TRIO: variants seen among roughly 807,000 people sequenced by gnomAD.
TRIO encodes triple functional domain protein.
A neutral mutation model predicts 351.9 loss-of-function variants in TRIO; 58 were observed. That is an observed-to-expected ratio of 0.16 (90% CI 0.13 to 0.21). The LOEUF is 0.21. Among genes scored for constraint, TRIO ranks in the 10% least tolerant of loss-of-function variants. The probability of loss-of-function intolerance (pLI) is 1.00; values close to 1 mark genes in which losing one functional copy is unlikely to be tolerated. For synonymous variants in TRIO, 1,758 were observed against 1,595.7 expected (o/e 1.10, Z -2.42); for missense variants, 3,201 against 4,027.8 (o/e 0.79, Z 5.56).
chr5:14,293,347 A>T (rs1028747560), intron 6 of TRIO, among the ~76,000 whole-genome samples: 1 of 152,200 alleles, frequency 6.6e-6, no homozygotes, highest in African/African-American at 2.4e-5. Flanking sequence ...AAGCAAACAG[A>T]CGAACCAGTG....
intron 1 of TRIO, among the ~76,000 whole-genome samples, chr5:14,257,118 G>T (rs1463051864): frequency 6.6e-6 from 1 of 152,232 alleles, no homozygotes; most frequent in Non-Finnish European, 1.5e-5. Context: ...GGTGGAAGCC[G>T]AAGATGGGAG....
chr5:14,489,601 C>G (rs1756323356), intron 48 of TRIO, among the ~76,000 whole-genome samples: 1 of 152,336 alleles, frequency 6.6e-6, no homozygotes, highest in Middle Eastern at 3.4e-3. Context: ...TAGAGCTCAT[C>G]ATAGCCTGGA....
chr5:14,482,254 A>G (rs1367229588), intron 45 of TRIO, among the ~76,000 whole-genome samples: 3 of 152,160 alleles, frequency 2.0e-5, no homozygotes, highest in Non-Finnish European at 4.4e-5. Context: ...ACTCCTGTGC[A>G]TGCCTGATGA....
chr5:14,216,345 T>C (rs1373000484), intron 1 of TRIO, among the ~76,000 whole-genome samples: 2 of 152,234 alleles, frequency 1.3e-5, no homozygotes, highest in Non-Finnish European at 2.9e-5. Flanking sequence ...GAATTCACAC[T>C]TGTCCAACAA....
chr5:14,168,025 A>G (rs192126936), intron 1 of TRIO, among the ~76,000 whole-genome samples: 12 of 152,358 alleles, frequency 7.9e-5, no homozygotes, highest in Admixed American at 3.3e-4. Context: ...GATGGGGTTT[A>G]CAAGATAGTT....
intron 16 of TRIO, among the ~76,000 whole-genome samples, chr5:14,367,710 T>C (rs1744722610): frequency 6.6e-6 from 1 of 152,252 alleles, no homozygotes; most frequent in Non-Finnish European, 1.5e-5. Flanking sequence ...TGTTATCTCC[T>C]GCTCTGCTCA....
intron 34 of TRIO, among the ~76,000 whole-genome samples, chr5:14,435,468 TAATA>T (rs963117480): frequency 5.3e-4 from 81 of 152,340 alleles, no homozygotes; most frequent in African/African-American, 1.9e-3. Flanking sequence ...TCTTTGTAAT[TAATA>T]AATACCTTGT....
At chr5:14,430,080 T>C (rs1162303581) in intron 34 of TRIO, among the ~76,000 whole-genome samples, 1 of 152,140 alleles carries the variant, frequency 6.6e-6, no homozygotes, top group Non-Finnish European at 1.5e-5. Context: ...TTGGTCCATG[T>C]GCAGGTGTGT....
intron 37 of TRIO, among the ~76,000 whole-genome samples, chr5:14,468,781 A>G (rs1754465655): frequency 6.6e-6 from 1 of 152,210 alleles, no homozygotes; most frequent in Admixed American, 6.5e-5. Context: ...GAAACTCTGT[A>G]TGTGTTTATT....
At chr5:14,481,315 A>AT (rs1755495981) in intron 44 of TRIO, 31 bp downstream of exon 44, 1 of 1,611,152 alleles carries the variant, frequency 6.2e-7, no homozygotes, top group Non-Finnish European at 8.5e-7. Context: ...GGGCACCCAA[A>AT]TCCCCACCAG....
chr5:14,319,578 T>C (rs920570408), intron 9 of TRIO, among the ~76,000 whole-genome samples: 1 of 152,196 alleles, frequency 6.6e-6, no homozygotes, highest in East Asian at 1.9e-4. Context: ...CATAAAAACA[T>C]AGTAAGCCGG....
At chr5:14,418,061 C>T (rs1031435164) in intron 33 of TRIO, among the ~76,000 whole-genome samples, 6 of 152,186 alleles carry the variant, frequency 3.9e-5, no homozygotes, top group African/African-American at 1.2e-4. Flanking sequence ...GACACACACA[C>T]GTGTAACTCC....
intron 1 of TRIO, among the ~76,000 whole-genome samples, chr5:14,264,282 T>TA (rs1292165080): frequency 6.6e-6 from 1 of 152,154 alleles, no homozygotes; most frequent in Admixed American, 6.5e-5. Flanking sequence ...TCCCTTGAAT[T>TA]AATAAAAAAT....
rs1743931431 is a variant in TRIO at position 14,359,446 on chromosome 5, C to T, written c.2306C>T (p.Ser769Leu). 1.2e-6 allele frequency: 2 copies of T among 1,614,276 alleles called. No homozygotes were observed. The highest frequency in any genetic ancestry group is 1.7e-6 in the Non-Finnish European group (2 of 1,180,046). Residue 769 changes from serine to leucine, a missense_variant, in exon 13 of 57, where the codon TCG becomes TTG. Transcript: ENST00000344204. ...CTGCAGCAGCTGGACGAGGCGCAGT[C>T]GCAGATGGAGGAGCTCTTCCAGGAG... ...TVLQQLDEAQ[S>L]QMEELFQERK...
intron 1 of TRIO, among the ~76,000 whole-genome samples, chr5:14,169,638 C>T (rs1788983338): frequency 6.6e-6 from 1 of 152,152 alleles, no homozygotes; most frequent in African/African-American, 2.4e-5. Flanking sequence ...ATAACTTGTT[C>T]ACCCTTACTT....
At chr5:14,226,596 T>C (rs1378016129) in intron 1 of TRIO, among the ~76,000 whole-genome samples, 1 of 152,268 alleles carries the variant, frequency 6.6e-6, no homozygotes, top group Non-Finnish European at 1.5e-5. Flanking sequence ...TATTGTTTTA[T>C]TCCAAATTAT....
At chr5:14,220,256 T>G (rs1792524866) in intron 1 of TRIO, among the ~76,000 whole-genome samples, 1 of 152,168 alleles carries the variant, frequency 6.6e-6, no homozygotes, top group Admixed American at 6.5e-5. Context: ...CGTAATTGTT[T>G]TGCAGCAGTA....
intron 1 of TRIO, among the ~76,000 whole-genome samples, chr5:14,247,968 AGGCAGAAGAAT>A (rs566134924): frequency 3.9e-4 from 59 of 151,466 alleles, no homozygotes; most frequent in African/African-American, 1.4e-3. Context: ...TGGGAGGCTG[AGGCAGAAGAAT>A]GGCTTGAACC....
intron 1 of TRIO, among the ~76,000 whole-genome samples, chr5:14,247,688 G>A (rs1794514284): frequency 6.6e-6 from 1 of 152,174 alleles, no homozygotes; most frequent in South Asian, 2.1e-4. Context: ...GCTAAGAAGA[G>A]CATGCTATTT....
Sources: gnomAD v4.1 joint callset for allele counts (sites outside exome capture counted in the v4.1 genomes callset) on GRCh38, gnomAD v4.1.1 for gene constraint, MANE v1.5 for transcripts, NCBI Gene and HGNC (gene_info 2026-07-23, HGNC 2026-07-21) for gene names.